The following CMC1 variants were observed in gnomAD, a reference collection of about 807,000 sequenced individuals.
CMC1 encodes the protein COX assembly mitochondrial protein homolog.
Under a neutral mutation model 14.1 loss-of-function variants are expected in CMC1, and 14 were observed. The ratio of observed to expected loss-of-function variants is 0.99; its 90% CI spans 0.66 to 1.55. The LOEUF is 1.55. Ranked by LOEUF, CMC1 falls within the 40% of genes most tolerant of loss-of-function variation. The pLI, the probability that CMC1 is intolerant of heterozygous loss-of-function variation, is 0.00. For synonymous variants in CMC1, 50 were observed against 38.4 expected (o/e 1.30, Z -1.12); for missense variants, 127 against 123.8 (o/e 1.03, Z -0.12).
At position 28,241,726 on chromosome 3, in the gene CMC1, TC is replaced by T; in HGVS notation, c.-64del. The T allele has an allele frequency of 8.1e-7, 1 of 1,240,212 alleles. No homozygotes were observed. The allele number at this position is 1,240,212 out of a possible 1,614,324, so 76.8% of individuals were successfully genotyped here. A position where few individuals can be genotyped will look rare whatever the true frequency, so the allele number is the denominator to read the frequency against. ...GCACGTGCGTCCGAGCCCAAGCCCC[TC>T]CCCTCCACTCCCCTTCCTGCGTGCC... On this transcript the variant is annotated 5_prime_UTR_variant, in exon 1 of 4. Transcript: ENST00000466830.
intron 2 of CMC1, among the ~76,000 whole-genome samples, chr3:28,314,731 T>C (rs1353855844): frequency 6.6e-6 from 1 of 152,220 alleles, no homozygotes; most frequent in Non-Finnish European, 1.5e-5. Flanking sequence ...GATACAGGTA[T>C]CTATGCTATA....
intron 2 of CMC1, among the ~76,000 whole-genome samples, chr3:28,310,205 C>T (rs1702568555): frequency 6.6e-6 from 1 of 152,142 alleles, no homozygotes; most frequent in South Asian, 2.1e-4. Flanking sequence ...TTCCATAGCA[C>T]CCTCCCTGCC....
At chr3:28,273,450 C>CTG (rs1700402654) in intron 2 of CMC1, among the ~76,000 whole-genome samples, 1 of 152,120 alleles carries the variant, frequency 6.6e-6, no homozygotes, top group African/African-American at 2.4e-5. Context: ...TTTGATTGTG[C>CTG]TGTGGTCTGA....
At chr3:28,288,419 A>G (rs1463174222) in intron 2 of CMC1, among the ~76,000 whole-genome samples, 1 of 152,068 alleles carries the variant, frequency 6.6e-6, no homozygotes, top group Admixed American at 6.6e-5. Flanking sequence ...CCTGTTAAGA[A>G]TATCATTAAA....
chr3:28,291,964 G>A (rs1701489626), intron 2 of CMC1: 2 of 152,022 alleles, frequency 1.3e-5, no homozygotes, highest in Admixed American at 6.6e-5. Flanking sequence ...GGTGGGTAAA[G>A]GTTTTTTTAT....
chr3:28,296,890 T>A (rs1455581867), intron 2 of CMC1, among the ~76,000 whole-genome samples: 2 of 152,092 alleles, frequency 1.3e-5, no homozygotes, highest in Non-Finnish European at 2.9e-5. Flanking sequence ...CCATCTATTT[T>A]TGCAAATATG....
intron 2 of CMC1, among the ~76,000 whole-genome samples, chr3:28,295,957 T>C (rs1701721451): frequency 6.6e-6 from 1 of 152,132 alleles, no homozygotes; most frequent in African/African-American, 2.4e-5. Flanking sequence ...AACTGTATCA[T>C]CTGGGTTATA....
intron 2 of CMC1, among the ~76,000 whole-genome samples, chr3:28,275,392 C>T (rs1266078687): frequency 3.0e-5 from 4 of 133,278 alleles, no homozygotes; most frequent in East Asian, 2.2e-4. Flanking sequence ...GTGGTTTGCT[C>T]GGGGTCCGCT....
intron 2 of CMC1, among the ~76,000 whole-genome samples, chr3:28,277,468 G>C (rs1051257908): frequency 6.6e-6 from 1 of 152,118 alleles, no homozygotes; most frequent in African/African-American, 2.4e-5. Context: ...GAATAAAATA[G>C]ACAAAAATCT....
chr3:28,319,878 C>A lies in CMC1; in HGVS notation c.*249C>A. The A allele has an allele frequency of 3.6e-6, 1 of 279,464 alleles. No individual in the cohort carries two copies. Among genetic ancestry groups the A allele is most frequent in the Non-Finnish European group, 6.7e-6 (1 of 149,014 alleles). 17.3% of individuals were successfully genotyped at this position (279,464 alleles called of 1,614,324 possible). A position where few individuals can be genotyped will look rare whatever the true frequency, so the allele number is the denominator to read the frequency against. ...TTTTCCCACAACTATAGTTCTATAA[C>A]AGTGATACTGATTTTTTAGAGTTCA... On this transcript the variant is annotated 3_prime_UTR_variant, in exon 4 of 4. Transcript: ENST00000466830.
At chr3:28,301,626 C>T (rs1702052329) in intron 2 of CMC1, among the ~76,000 whole-genome samples, 1 of 146,904 alleles carries the variant, frequency 6.8e-6, no homozygotes, top group Non-Finnish European at 1.5e-5. Context: ...CTTATGGATG[C>T]TGTTTTTTTT....
At position 28,278,512 on chromosome 3, in the gene CMC1, G is replaced by A. The variant is rs923788583; in HGVS notation, c.109+15132G>A. 2.0e-5 allele frequency among the ~76,000 whole-genome samples: 3 copies of A among 152,160 alleles called. No individual in the cohort carries two copies. In the East Asian group the frequency reaches 5.8e-4, roughly 29 times the overall value. On this transcript the variant is annotated intron_variant, in intron 2 of 3. Coordinates refer to ENST00000466830, the MANE Select transcript of CMC1 (RefSeq NM_182523.2). ...TCTGTTAGTGAACTATCAGTAACAT[G>A]TTCAACTTGGATAGTGATAGATTAA...
At chr3:28,294,113 T>C (rs1202019485) in intron 2 of CMC1, among the ~76,000 whole-genome samples, 1 of 152,196 alleles carries the variant, frequency 6.6e-6, no homozygotes, top group East Asian at 1.9e-4. Flanking sequence ...TGTCTGGTTA[T>C]GTAGAAAGTG....
chr3:28,308,706 T>C (rs549698204), intron 2 of CMC1, among the ~76,000 whole-genome samples: 7 of 152,286 alleles, frequency 4.6e-5, no homozygotes, highest in Middle Eastern at 3.4e-3. Context: ...ATCTACAGGC[T>C]GAGCATGGTG....
intron 2 of CMC1, among the ~76,000 whole-genome samples, chr3:28,264,706 A>G (rs2125465789): frequency 6.6e-6 from 1 of 152,270 alleles, no homozygotes; most frequent in African/African-American, 2.4e-5. Context: ...AAAAATATAT[A>G]TCCTGATTCA....
chr3:28,242,820 A>T (rs1330347886), intron 1 of CMC1, among the ~76,000 whole-genome samples: 1 of 152,096 alleles, frequency 6.6e-6, no homozygotes, highest in African/African-American at 2.4e-5. Flanking sequence ...TTCATTTTGG[A>T]CTAGGTGGTT....
At chr3:28,255,335 G>T (rs1167524756) in intron 1 of CMC1, among the ~76,000 whole-genome samples, 1 of 151,456 alleles carries the variant, frequency 6.6e-6, no homozygotes, top group Non-Finnish European at 1.5e-5. Context: ...CCGCCTCCCG[G>T]GTTCAAGCAA....
At chr3:28,248,867 G>T (rs1222939009) in intron 1 of CMC1, among the ~76,000 whole-genome samples, 1 of 152,028 alleles carries the variant, frequency 6.6e-6, no homozygotes, top group Non-Finnish European at 1.5e-5. Flanking sequence ...TCAGCTCACT[G>T]CAAGCTCCGC....
intron 2 of CMC1, among the ~76,000 whole-genome samples, chr3:28,282,001 C>T (rs1205096528): frequency 1.3e-5 from 2 of 152,082 alleles, no homozygotes. Flanking sequence ...TCTTAACAGT[C>T]TGAAACAGAA....
Sources: gnomAD v4.1 joint callset for allele counts (sites outside exome capture counted in the v4.1 genomes callset) on GRCh38, gnomAD v4.1.1 for gene constraint, MANE v1.5 for transcripts, NCBI Gene and HGNC (gene_info 2026-07-23, HGNC 2026-07-21) for gene names.